OR2L13: variants seen among roughly 807,000 people sequenced by gnomAD.
The protein encoded by OR2L13 is olfactory receptor family 2 subfamily L member 13.
In OR2L13, 14 loss-of-function variants were observed where a neutral mutation model predicts 15.3. The ratio of observed to expected loss-of-function variants is 0.91; its 90% CI spans 0.60 to 1.43. The LOEUF (loss-of-function observed/expected upper bound fraction) is 1.43, where lower values mean the gene tolerates loss of function less well. Ranked by LOEUF, OR2L13 falls within the 40% of genes most tolerant of loss-of-function variation. OR2L13 has a pLI of 0.00. For synonymous variants in OR2L13, 152 were observed against 142.9 expected (o/e 1.06, Z -0.45); for missense variants, 367 against 387.9 (o/e 0.95, Z 0.45).
At chr1:248,007,560 G>T in the OR2L13 span, among the ~76,000 whole-genome samples, 1 of 152,162 alleles carries the variant, frequency 6.6e-6, no homozygotes, top group Non-Finnish European at 1.5e-5. Context: ...TGAAAGTTGG[G>T]CAATAATTCC....
the OR2L13 span, chr1:247,965,315 G>T: frequency 6.6e-7 from 1 of 1,512,738 alleles, no homozygotes; most frequent in Non-Finnish European, 8.8e-7. Flanking sequence ...TCTCTTAAGG[G>T]AAGTCAACAT....
the OR2L13 span, chr1:248,038,448 C>T: frequency 6.2e-7 from 1 of 1,613,788 alleles, no homozygotes; most frequent in Non-Finnish European, 8.5e-7. Context: ...TATGTATTTC[C>T]TACTTAGTCA....
chr1:247,958,761 C>T, the OR2L13 span, among the ~76,000 whole-genome samples: 1 of 151,736 alleles, frequency 6.6e-6, no homozygotes, highest in Non-Finnish European at 1.5e-5. Flanking sequence ...ACTAGGATTG[C>T]AACCCCTGCC....
the OR2L13 span, chr1:247,965,775 T>C: frequency 6.3e-6 from 10 of 1,595,394 alleles, no homozygotes; most frequent in Non-Finnish European, 8.5e-6. Flanking sequence ...TACATTATCC[T>C]ATGCTTATGA....
chr1:248,099,982 A>G (rs201929394), exon 3 of OR2L13: 10 of 1,614,092 alleles, frequency 6.2e-6, no homozygotes, highest in Non-Finnish European at 8.5e-6. Flanking sequence ...TGTAAGTACA[A>G]GCCTCTTTCT....
chr1:247,969,127 C>G, the OR2L13 span, among the ~76,000 whole-genome samples: 11,483 of 152,030 alleles, frequency 0.076, 932 homozygotes, highest in African/African-American at 0.21. Context: ...GTGTCTGTTT[C>G]CTGCATAAAT....
At chr1:247,965,039 A>G in the OR2L13 span, among the ~76,000 whole-genome samples, 2 of 150,490 alleles carry the variant, frequency 1.3e-5, no homozygotes, top group South Asian at 2.1e-4. Context: ...TATTTCTATT[A>G]CTATATGTAA....
chr1:248,037,492 A>G, the OR2L13 span, among the ~76,000 whole-genome samples: 6 of 152,222 alleles, frequency 3.9e-5, no homozygotes, highest in Admixed American at 2.0e-4. Context: ...AAACATTCAT[A>G]TCTTTTTGAA....
the OR2L13 span, among the ~76,000 whole-genome samples, chr1:247,973,121 A>G: frequency 3.2e-3 from 484 of 152,276 alleles, 12 homozygotes; most frequent in Non-Finnish European, 5.9e-4. Flanking sequence ...TTGATGAAAT[A>G]TGTCTCAAAT....
chr1:248,092,876 C>T (rs1160822216), upstream of OR2L13, among the ~76,000 whole-genome samples: 2 of 152,096 alleles, frequency 1.3e-5, no homozygotes, highest in East Asian at 1.9e-4. Flanking sequence ...AATCTTTGGT[C>T]AGAGCCTCCA....
At chr1:248,047,197 A>G in the OR2L13 span, among the ~76,000 whole-genome samples, 2 of 152,132 alleles carry the variant, frequency 1.3e-5, no homozygotes, top group African/African-American at 2.4e-5. Context: ...ATTCATAATA[A>G]TGATTGTAGG....
At chr1:248,034,169 C>T in the OR2L13 span, among the ~76,000 whole-genome samples, 1 of 152,078 alleles carries the variant, frequency 6.6e-6, no homozygotes, top group African/African-American at 2.4e-5. Context: ...ACGAAACAAA[C>T]CTATGGAAAC....
chr1:248,047,809 G>T, the OR2L13 span, among the ~76,000 whole-genome samples: 2 of 152,170 alleles, frequency 1.3e-5, no homozygotes, highest in Admixed American at 1.3e-4. Context: ...TTATGTTGAT[G>T]ATGCTGGCAA....
the OR2L13 span, among the ~76,000 whole-genome samples, chr1:248,013,436 C>T: frequency 3.3e-5 from 5 of 152,226 alleles, no homozygotes; most frequent in Middle Eastern, 0.01. Context: ...CTAAGGCCAT[C>T]CTCTGTTATT....
the OR2L13 span, among the ~76,000 whole-genome samples, chr1:248,010,777 T>TG: frequency 7.2e-6 from 1 of 138,692 alleles, no homozygotes; most frequent in Non-Finnish European, 1.5e-5. Flanking sequence ...TTTTTTTTTT[T>TG]TTTTTTTTTT....
the OR2L13 span, among the ~76,000 whole-genome samples, chr1:247,975,853 T>G: frequency 6.6e-6 from 1 of 152,298 alleles, no homozygotes; most frequent in Admixed American, 6.5e-5. Context: ...CTGTTTCTTT[T>G]TATCAAAATA....
chr1:248,090,002 T>G, the OR2L13 span, among the ~76,000 whole-genome samples: 305 of 152,304 alleles, frequency 2.0e-3, 4 homozygotes, highest in East Asian at 0.041. Flanking sequence ...CATATATTGA[T>G]TTATGACTTT....
chr1:247,964,251 G>A, the OR2L13 span, among the ~76,000 whole-genome samples: 2 of 152,244 alleles, frequency 1.3e-5, no homozygotes, highest in African/African-American at 4.8e-5. Flanking sequence ...TCTTACTGCA[G>A]TGTGTTTAGC....
At chr1:247,978,104 C>G in the OR2L13 span, among the ~76,000 whole-genome samples, 5,891 of 152,162 alleles carry the variant, frequency 0.039, 352 homozygotes, top group African/African-American at 0.13. Flanking sequence ...ATGTACCAAT[C>G]AGCACTCTGT....
Sources: allele counts gnomAD v4.1 joint callset (sites outside exome capture counted in the v4.1 genomes callset), GRCh38; gene constraint gnomAD v4.1.1; transcripts MANE v1.5; gene names NCBI Gene and HGNC (gene_info 2026-07-23, HGNC 2026-07-21).